The following SERPINE2 variants were observed in gnomAD, a reference collection of about 807,000 sequenced individuals.
SERPINE2 encodes serpin family E member 2.
In SERPINE2, 14 loss-of-function variants were observed where a neutral mutation model predicts 36.3. That is an observed-to-expected ratio of 0.39 (90% confidence interval 0.25 to 0.60). The LOEUF (loss-of-function observed/expected upper bound fraction) is 0.60. Ranked by LOEUF, SERPINE2 falls within the 20% of genes least tolerant of loss-of-function variation. SERPINE2 has a pLI of 0.57. For synonymous variants in SERPINE2, 192 were observed against 191.8 expected (o/e 1.00, Z -0.01); for missense variants, 418 against 499.6 (o/e 0.84, Z 1.56).
chr2:223,991,891 G>A lies in SERPINE2; in HGVS notation c.597C>T (p.Pro199=), dbSNP rs61740040. The change falls in exon 4 of 9, where the codon CCC becomes CCT. Residue 199 remains proline, a synonymous_variant. Coordinates refer to ENST00000409304, the MANE Select transcript of SERPINE2 (RefSeq NM_001136528.2). ...FKGLWKSRFQ[P]ENTKKRTFVA... ...CGAAAGTGCGTTTCTTTGTGTTCTC[G>A]GGTTGGAACCGTGATTTCCACAGAC... The A allele has an allele frequency of 7.2e-4, 1,165 of 1,613,080 alleles. 11 individuals carry two copies. The African/African-American group carries it at 0.012, about 17-fold the overall frequency.
intron 8 of SERPINE2, among the ~76,000 whole-genome samples, chr2:223,976,879 G>A (rs1228351213): frequency 6.6e-6 from 1 of 152,178 alleles, no homozygotes; most frequent in African/African-American, 2.4e-5. Context: ...GCCTCGAATT[G>A]TTAATAATCC....
chr2:223,982,943 A>ACC (rs1690275064), intron 5 of SERPINE2, among the ~76,000 whole-genome samples, 162 bp from the exon 6 acceptor site: 2 of 152,256 alleles, frequency 1.3e-5, no homozygotes, highest in African/African-American at 4.8e-5. Context: ...CCAGATAAGT[A>ACC]AAGGACAACT....
rs1691169679 is a variant in SERPINE2, at chr2:224,001,668, G to A, written c.233C>T (p.Ala78Val). The A allele has an allele frequency of 6.2e-7, 1 of 1,614,032 alleles. No homozygotes were observed. The highest frequency in any genetic ancestry group is 1.1e-5 in the South Asian group (1 of 91,088). ...ATTTACGCCGTATCTCATCACCATG[G>A]CGAGCTGCTTCTTGGTCCTGCCGTC... The part of the protein sequence containing the change: ...GADGRTKKQL[A>V]MVMRYGVNGV... Residue 78 changes from alanine (A) to valine (V), a missense_variant, in exon 2 of 9, where the codon GCC becomes GTC. Physicochemically the swap from Ala to Val is moderately conservative, Grantham distance 64 (BLOSUM62 0). Transcript: ENST00000409304.
At chr2:223,981,989 A>G (rs889749667) in intron 6 of SERPINE2, 5 of 152,198 alleles carry the variant, frequency 3.3e-5, no homozygotes, top group Admixed American at 1.3e-4. Context: ...TATTCATAAA[A>G]GCAATACATG....
rs779978749 is a variant in SERPINE2 at position 223,975,830 on chromosome 2, G to T, written c.*37C>A. The T allele has an allele frequency of 3.3e-6, 5 of 1,526,488 alleles. No individual in the cohort carries two copies. The highest frequency in any genetic ancestry group is 1.8e-4 in the Middle Eastern group (1 of 5,512). The allele number at this position is 1,526,488 out of a possible 1,614,324, so 94.6% of individuals were successfully genotyped here. A position where few individuals can be genotyped will look rare whatever the true frequency, so the allele number is the denominator to read the frequency against. On this transcript the variant is annotated 3_prime_UTR_variant, in exon 9 of 9. Transcript: ENST00000409304. ...GAAAGGAGTCTTTCTTCGTAGCAAA[G>T]TAGTCGTTGCTTTGCATGGTTTCTT...
intron 1 of SERPINE2, among the ~76,000 whole-genome samples, chr2:224,016,710 A>G (rs750462545): frequency 6.6e-6 from 1 of 152,208 alleles, no homozygotes; most frequent in Non-Finnish European, 1.5e-5. Flanking sequence ...TAATAGTCCC[A>G]AAGTGGAAAC....
At chr2:223,979,601 T>C (rs994574452) in intron 7 of SERPINE2, 1 of 152,164 alleles carries the variant, frequency 6.6e-6, no homozygotes, top group African/African-American at 2.4e-5. Context: ...GTGAAAAAAC[T>C]GACTTACGAT....
intron 5 of SERPINE2, among the ~76,000 whole-genome samples, chr2:223,983,544 C>T (rs1274334208): frequency 5.9e-5 from 9 of 152,054 alleles, no homozygotes; most frequent in East Asian, 5.8e-4. Flanking sequence ...TGAGCCACCA[C>T]GCCCAGCCCC....
At chr2:223,986,612 T>A (rs1396691042) in intron 4 of SERPINE2, among the ~76,000 whole-genome samples, 1 of 152,160 alleles carries the variant, frequency 6.6e-6, no homozygotes, top group African/African-American at 2.4e-5. Context: ...AAGTGATTGC[T>A]CCAGGGCATG....
intron 4 of SERPINE2, among the ~76,000 whole-genome samples, chr2:223,988,020 C>T (rs1239867062): frequency 1.3e-5 from 2 of 152,106 alleles, no homozygotes; most frequent in East Asian, 1.9e-4. Flanking sequence ...AATGCTCCAT[C>T]GTGTGCAATA....
chr2:224,028,969 A>C (rs1201210855), intron 1 of SERPINE2, among the ~76,000 whole-genome samples: 1 of 152,236 alleles, frequency 6.6e-6, no homozygotes, highest in Non-Finnish European at 1.5e-5. Context: ...TTAGGCTAAG[A>C]AGTGACATAT....
At chr2:223,979,437 G>C (rs1174223209) in intron 7 of SERPINE2, 2 of 152,122 alleles carry the variant, frequency 1.3e-5, no homozygotes, top group East Asian at 1.9e-4. Context: ...ACGTTTATTC[G>C]AGAAAGGCAA....
At chr2:224,026,970 C>A (rs10197226) in intron 1 of SERPINE2, among the ~76,000 whole-genome samples, 28,847 of 152,068 alleles carry the variant, frequency 0.19, 2,818 homozygotes, top group Middle Eastern at 0.23. Context: ...TCAATAAATA[C>A]CAATTCTACA....
At chr2:224,027,668 TG>T (rs1422068563) in intron 1 of SERPINE2, among the ~76,000 whole-genome samples, 1 of 152,156 alleles carries the variant, frequency 6.6e-6, no homozygotes, top group Non-Finnish European at 1.5e-5. Context: ...CTACAGACAA[TG>T]CTCCCTGATT....
chr2:224,038,531 T>C, intron 1 of SERPINE2: 2 of 1,551,154 alleles, frequency 1.3e-6, no homozygotes, highest in Non-Finnish European at 1.7e-6. Flanking sequence ...TTTCTACAGA[T>C]GATGAAAATA....
At chr2:224,030,134 G>C (rs1009365973) in intron 1 of SERPINE2, 1 of 985,326 alleles carries the variant, frequency 1.0e-6, no homozygotes, top group East Asian at 1.1e-4. Flanking sequence ...CAAATGCAAG[G>C]GTGGAGTCAG....
intron 4 of SERPINE2, among the ~76,000 whole-genome samples, chr2:223,986,314 G>C (rs1300623435): frequency 6.6e-6 from 1 of 152,166 alleles, no homozygotes; most frequent in Non-Finnish European, 1.5e-5. Flanking sequence ...TGCATTTCCT[G>C]CAGGGCTGTT....
chr2:223,977,898 GAATTAAATGACAT>G (rs1417415791), intron 7 of SERPINE2: 28 of 369,226 alleles, frequency 7.6e-5, no homozygotes, highest in Non-Finnish European at 1.2e-4. Flanking sequence ...GTTTTGATGA[GAATTAAATGACAT>G]AATTAAATGA....
At chr2:223,987,969 T>C (rs934597142) in intron 4 of SERPINE2, among the ~76,000 whole-genome samples, 2 of 152,196 alleles carry the variant, frequency 1.3e-5, no homozygotes, top group East Asian at 1.9e-4. Flanking sequence ...GACTGCACTT[T>C]AGTAGAAATT....
Sources: allele counts gnomAD v4.1 joint callset (sites outside exome capture counted in the v4.1 genomes callset), GRCh38; gene constraint gnomAD v4.1.1; transcripts MANE v1.5; gene names NCBI Gene and HGNC (gene_info 2026-07-23, HGNC 2026-07-21).